Variants in NBEA observed in about 807,000 individuals in gnomAD.
The protein encoded by NBEA is neurobeachin, also known as lysosomal-trafficking regulator 2.
Under a neutral mutation model 343.4 loss-of-function variants are expected in NBEA, and 44 were observed. The observed-to-expected ratio is 0.13, with a 90% CI of 0.10 to 0.16. The LOEUF (loss-of-function observed/expected upper bound fraction) is 0.16. Among genes scored for constraint, NBEA ranks in the 10% least tolerant of loss-of-function variants. NBEA has a pLI of 1.00. For synonymous variants in NBEA, 1,175 were observed against 1,238.7 expected, an observed-to-expected ratio of 0.95 and a Z score of 1.08; for missense variants, 2,555 against 3,631.3, an observed-to-expected ratio of 0.70 and a Z score of 7.62.
intron 8 of NBEA, among the ~76,000 whole-genome samples, chr13:35,065,468 G>A (rs1487218572): frequency 1.3e-5 from 2 of 151,810 alleles, no homozygotes; most frequent in East Asian, 1.9e-4. Flanking sequence ...GGTATGTGGT[G>A]TCCACTTTCA....
intron 36 of NBEA, among the ~76,000 whole-genome samples, chr13:35,341,531 C>A (rs1166401935): frequency 6.6e-6 from 1 of 151,928 alleles, no homozygotes; most frequent in African/African-American, 2.4e-5. Flanking sequence ...AAAAGTAACC[C>A]TTACAACTCA....
intron 28 of NBEA, 42 bp from the exon 29 acceptor site, chr13:35,182,318 C>A: frequency 1.9e-6 from 3 of 1,550,764 alleles, no homozygotes; most frequent in Non-Finnish European, 2.6e-6. Context: ...ACTTATACTT[C>A]AAAAAGTTTG....
rs111362233 is a variant in NBEA at position 35,137,957 on chromosome 13, A to G, written c.2337-4312A>G. ...GATGCCACAAAATCCCTTGAAATTC[A>G]GAAAGTGGAAAATATTTGTAAATGA... is the stretch of plus-strand genomic sequence containing the variant. On this transcript the variant is annotated intron_variant, in intron 17 of 58. Transcript: ENST00000379939. Among the ~76,000 whole-genome samples the G allele has an allele frequency of 5.3e-4, 81 of 152,300 alleles. 1 individual carries two copies. Among genetic ancestry groups the G allele is most frequent in the African/African-American group, 1.8e-3 (75 of 41,594 alleles).
chr13:35,625,709 A>G (rs891060151), intron 48 of NBEA, among the ~76,000 whole-genome samples: 5 of 152,124 alleles, frequency 3.3e-5, no homozygotes, highest in African/African-American at 7.2e-5. Context: ...AGGGATATGA[A>G]CAGGAAATTT....
At chr13:35,245,353 CT>C (rs1229699783) in intron 34 of NBEA, among the ~76,000 whole-genome samples, 6 of 151,454 alleles carry the variant, frequency 4.0e-5, no homozygotes, top group South Asian at 2.1e-4. Context: ...TTGATGAATC[CT>C]TTTTTTTGTA....
At chr13:35,277,599 C>T (rs2034689364) in intron 34 of NBEA, among the ~76,000 whole-genome samples, 2 of 58,426 alleles carry the variant, frequency 3.4e-5, no homozygotes, top group Non-Finnish European at 6.0e-5. Context: ...CCAGCCTGGG[C>T]AACAAGAAAG....
chr13:35,574,380 CAA>C (rs1313695369), intron 45 of NBEA, among the ~76,000 whole-genome samples: 1 of 124,792 alleles, frequency 8.0e-6, no homozygotes, highest in African/African-American at 3.2e-5. Context: ...TATACACTAT[CAA>C]AAAAAAAGAA....
At chr13:35,657,492 G>T (rs546117276) in intron 55 of NBEA, among the ~76,000 whole-genome samples, 1 of 152,116 alleles carries the variant, frequency 6.6e-6, no homozygotes, top group African/African-American at 2.4e-5. Context: ...AGCCATGTCC[G>T]TAAACAATTC....
chr13:35,229,246 G>T (rs2074835221), intron 33 of NBEA, among the ~76,000 whole-genome samples: 1 of 151,838 alleles, frequency 6.6e-6, no homozygotes, highest in Non-Finnish European at 1.5e-5. Context: ...TGCTCAGGCT[G>T]GTCTTGAACT....
chr13:35,358,973 G>C (rs529280919), intron 38 of NBEA, among the ~76,000 whole-genome samples: 1 of 152,252 alleles, frequency 6.6e-6, no homozygotes, highest in East Asian at 1.9e-4. Flanking sequence ...GAACAAAAAG[G>C]AGGGTAGTTT....
intron 17 of NBEA, among the ~76,000 whole-genome samples, chr13:35,124,478 G>A (rs2066973312): frequency 6.8e-6 from 1 of 147,412 alleles, no homozygotes; most frequent in African/African-American, 2.5e-5. Context: ...TTGTAGAAAA[G>A]GATATATATG....
intron 1 of NBEA, among the ~76,000 whole-genome samples, chr13:34,985,746 C>T (rs902820813): frequency 1.3e-5 from 2 of 150,682 alleles, no homozygotes; most frequent in Non-Finnish European, 3.0e-5. Flanking sequence ...AGAGATTCAC[C>T]TTCCTGGTTT....
chr13:35,343,848 G>T (rs1008084102), intron 36 of NBEA, among the ~76,000 whole-genome samples: 5 of 151,976 alleles, frequency 3.3e-5, no homozygotes, highest in African/African-American at 1.2e-4. Flanking sequence ...TCTACATTAT[G>T]GTGAGTTGTA....
chr13:35,550,779 C>A, intron 42 of NBEA, 151 bp from the exon 43 acceptor site: 1 of 649,150 alleles, frequency 1.5e-6, no homozygotes, highest in Non-Finnish European at 2.6e-6. Context: ...CTAGGTTTCT[C>A]ATGGATAAAG....
At chr13:35,666,209 G>C (rs2085346313) in intron 56 of NBEA, among the ~76,000 whole-genome samples, 1 of 151,992 alleles carries the variant, frequency 6.6e-6, no homozygotes, top group African/African-American at 2.4e-5. Context: ...TTTTAATCGA[G>C]GTGATGAGAT....
Position 35,182,533 on chromosome 13 carries a change from T to A in NBEA, c.4831+5T>A, listed in dbSNP as rs1317770542. On this transcript the variant is annotated splice_donor_5th_base_variant and intron_variant, in intron 29 of 58. Coordinates refer to ENST00000379939, the MANE Select transcript of NBEA (RefSeq NM_001385012.1). ...TAAATTCACCAACAAGTACAGGTAC[T>A]TAACATTGTATAATTATTTGAATTT... The A allele has an allele frequency of 1.2e-6, 2 of 1,600,078 alleles. No individual in the cohort carries two copies. The highest frequency in any genetic ancestry group is 1.1e-5 in the South Asian group (1 of 88,820).
intron 17 of NBEA, among the ~76,000 whole-genome samples, chr13:35,128,820 A>G (rs2067263764): frequency 6.6e-6 from 1 of 152,230 alleles, no homozygotes; most frequent in African/African-American, 2.4e-5. Flanking sequence ...ATACAAAGAG[A>G]TTTTGAGATT....
At chr13:35,418,609 G>T (rs1386457108) in intron 38 of NBEA, among the ~76,000 whole-genome samples, 1 of 151,976 alleles carries the variant, frequency 6.6e-6, no homozygotes, top group African/African-American at 2.4e-5. Context: ...AGGATGGAAA[G>T]AAATAGACAA....
intron 34 of NBEA, chr13:35,251,414 C>G (rs1298927310): frequency 2.8e-6 from 3 of 1,053,978 alleles, no homozygotes; most frequent in African/African-American, 1.7e-5. Flanking sequence ...TACAGAGATC[C>G]TCGTCAGTGG....
Sources: gnomAD v4.1 joint callset for allele counts (sites outside exome capture counted in the v4.1 genomes callset) on GRCh38, gnomAD v4.1.1 for gene constraint, MANE v1.5 for transcripts, NCBI Gene and HGNC (gene_info 2026-07-23, HGNC 2026-07-21) for gene names.